SPAG9: variants seen among roughly 807,000 people sequenced by gnomAD.
SPAG9 encodes the protein sperm associated antigen 9, also known as C-Jun-amino-terminal kinase-interacting protein 4.
SPAG9 carries 35 observed loss-of-function variants against 166.5 expected under a neutral mutation model. The ratio of observed to expected loss-of-function variants is 0.21; its 90% CI spans 0.16 to 0.28. SPAG9 has a LOEUF of 0.28. SPAG9 is among the 10% of genes least tolerant of loss of function. The probability of loss-of-function intolerance (pLI) is 1.00; values close to 1 mark genes in which losing one functional copy is unlikely to be tolerated. For missense variants in SPAG9, 1,235 were observed against 1,603.3 expected (o/e 0.77, Z 3.92); for synonymous variants, 534 against 565.5 (o/e 0.94, Z 0.79).
intron 6 of SPAG9, among the ~76,000 whole-genome samples, chr17:51,028,066 CAAA>C (rs375023734): frequency 1.1e-5 from 1 of 88,376 alleles, no homozygotes. Flanking sequence ...GTTTAAAAAG[CAAA>C]AAAAAAAAAA....
chr17:51,114,951 CAA>C (rs531593746), intron 1 of SPAG9, among the ~76,000 whole-genome samples: 2 of 121,982 alleles, frequency 1.6e-5, no homozygotes, highest in African/African-American at 3.1e-5. Flanking sequence ...GACTCTGTCT[CAA>C]AAAAAAAAAA....
At chr17:51,014,813 T>TA (rs201376514) in intron 8 of SPAG9, among the ~76,000 whole-genome samples, 5,553 of 151,952 alleles carry the variant, frequency 0.037, 255 homozygotes, top group East Asian at 0.19. Flanking sequence ...GTTAAAAACA[T>TA]AAATAGAGCT....
chr17:50,977,471 C>A (rs1974286658), intron 26 of SPAG9, among the ~76,000 whole-genome samples: 1 of 151,900 alleles, frequency 6.6e-6, no homozygotes, highest in South Asian at 2.1e-4. Context: ...AAAAGAAAAG[C>A]CTAAAAGTGG....
intron 1 of SPAG9, among the ~76,000 whole-genome samples, chr17:51,102,016 T>G (rs1258333500): frequency 6.6e-6 from 1 of 152,178 alleles, no homozygotes; most frequent in Admixed American, 6.6e-5. Context: ...ACAAATGTTT[T>G]CTTCAGAAAT....
chr17:50,975,122 G>C (rs1025708054), intron 27 of SPAG9, 175 bp from the exon 28 acceptor site: 1 of 561,580 alleles, frequency 1.8e-6, no homozygotes, highest in African/African-American at 2.0e-5. Flanking sequence ...CAGCATGCTA[G>C]TTATTTTTAA....
intron 15 of SPAG9, 42 bp downstream of exon 15, chr17:50,998,402 A>C (rs777026419): frequency 1.2e-5 from 18 of 1,539,320 alleles, no homozygotes; most frequent in Non-Finnish European, 1.4e-5. Context: ...CTGAACCACT[A>C]ACTTAATTTA....
At chr17:50,981,428 G>A (rs930737542) in intron 25 of SPAG9, among the ~76,000 whole-genome samples, 10 of 151,052 alleles carry the variant, frequency 6.6e-5, no homozygotes, top group Non-Finnish European at 1.3e-4. Context: ...ATGGATGGAT[G>A]GATAGACAGC....
At chr17:50,993,315 C>CAA (rs71149333) in intron 19 of SPAG9, among the ~76,000 whole-genome samples, 32 of 79,794 alleles carry the variant, frequency 4.0e-4, no homozygotes, top group East Asian at 1.1e-3. Context: ...GACTCTGTCT[C>CAA]AAAAAAAAAA....
At chr17:51,089,661 T>TATATACATAC (rs1426675943) in intron 1 of SPAG9, among the ~76,000 whole-genome samples, 3 of 97,892 alleles carry the variant, frequency 3.1e-5, no homozygotes, top group East Asian at 3.5e-4. Context: ...TATATATATA[T>TATATACATAC]ATACACATAC....
At position 51,118,133 on chromosome 17, in the gene SPAG9, C is replaced by CAAA. The variant is rs201570298; in HGVS notation, c.303+2218_303+2220dup. ...CTGGCGACAGAGAGAGACTCTGTCT[C>CAAA]AAAAAAAAAAAAAAAGAGAAAAGAA... is the stretch of plus-strand genomic sequence containing the variant. On this transcript the variant is annotated intron_variant, in intron 1 of 29. Transcript: ENST00000262013. Among the ~76,000 whole-genome samples the CAAA allele has an allele frequency of 2.8e-3, 255 of 90,780 alleles. 1 individual carries two copies. Among genetic ancestry groups the CAAA allele is most frequent in the Middle Eastern group, 0.019 (3 of 160 alleles). The allele number at this position is 90,780 out of a possible 152,430, so 59.6% of individuals were successfully genotyped here.
At chr17:51,006,285 C>G in intron 10 of SPAG9, 48 bp from the exon 11 acceptor site, 1 of 1,572,766 alleles carries the variant, frequency 6.4e-7, no homozygotes, top group Non-Finnish European at 8.7e-7. Context: ...AATATTCTTT[C>G]CATCTTTCAG....
chr17:50,998,712 C>T, intron 14 of SPAG9, 95 bp from the exon 15 acceptor site: 2 of 1,224,082 alleles, frequency 1.6e-6, no homozygotes, highest in South Asian at 2.8e-5. Flanking sequence ...TTTCAGAGTA[C>T]TTTTACAAGG....
chr17:51,027,340 G>A (rs369693907), intron 6 of SPAG9, among the ~76,000 whole-genome samples: 26 of 151,672 alleles, frequency 1.7e-4, no homozygotes, highest in Middle Eastern at 3.2e-3. Flanking sequence ...GCTGAGGCAC[G>A]AGAATCACTT....
rs1288645415 is a variant in SPAG9 at position 50,990,622 on chromosome 17, A to G, written c.2445T>C (p.Ser815=). 1 of 1,614,210 alleles carries G rather than the reference A, an allele frequency of 6.2e-7. No homozygotes were observed. Among genetic ancestry groups the G allele is most frequent in the Non-Finnish European group, 8.5e-7 (1 of 1,180,036 alleles). Reference sequence around the variant, plus strand: ...ATAAAGATGCTTTGTCTACCTGACCAGATTCTGAAAGATCTTCTCCTGCAG... The same window carrying G: ...ATAAAGATGCTTTGTCTACCTGACCGGATTCTGAAAGATCTTCTCCTGCAG... ...DYPAGEDLSE[S]GQVDKASLCG... is the part of the protein sequence containing the mutation. Residue 815 remains serine (S), a synonymous_variant, in exon 20 of 30, where the codon TCT becomes TCC. Coordinates refer to ENST00000262013, the MANE Select transcript of SPAG9 (RefSeq NM_001130528.3).
intron 19 of SPAG9, among the ~76,000 whole-genome samples, chr17:50,991,037 G>T (rs1407134559): frequency 2.0e-5 from 3 of 151,798 alleles, no homozygotes; most frequent in African/African-American, 7.3e-5. Context: ...CTCCTGAGTA[G>T]CTGGGACTAC....
At chr17:51,040,283 C>A (rs2046787383) in intron 5 of SPAG9, 1 of 151,266 alleles carries the variant, frequency 6.6e-6, no homozygotes, top group South Asian at 2.1e-4. Flanking sequence ...GAGCGAGTTG[C>A]CCAGTAACAT....
intron 4 of SPAG9, among the ~76,000 whole-genome samples, chr17:51,044,963 T>C (rs979691171): frequency 6.6e-6 from 1 of 152,228 alleles, no homozygotes; most frequent in Non-Finnish European, 1.5e-5. Context: ...CTGCTAAAAA[T>C]GGACACATAT....
intron 27 of SPAG9, 110 bp from the exon 28 acceptor site, chr17:50,975,057 G>T: frequency 9.8e-7 from 1 of 1,023,194 alleles, no homozygotes; most frequent in Non-Finnish European, 1.4e-6. Flanking sequence ...AGCCAGTTGA[G>T]ATAAAACAAG....
intron 3 of SPAG9, 36 bp from the exon 4 acceptor site, chr17:51,047,505 G>A (rs1289335081): frequency 2.1e-6 from 2 of 967,844 alleles, no homozygotes; most frequent in Non-Finnish European, 3.1e-6. Flanking sequence ...CAATATTTAA[G>A]GCTAATACCT....
Sources: gnomAD v4.1 joint callset for allele counts (sites outside exome capture counted in the v4.1 genomes callset) on GRCh38, gnomAD v4.1.1 for gene constraint, MANE v1.5 for transcripts, NCBI Gene and HGNC (gene_info 2026-07-23, HGNC 2026-07-21) for gene names.